FSTL5: variants seen among roughly 807,000 people sequenced by gnomAD.
The protein encoded by FSTL5 is follistatin-related protein 5.
A neutral mutation model predicts 89.1 loss-of-function variants in FSTL5; 62 were observed. The ratio of observed to expected loss-of-function variants is 0.70; its 90% CI spans 0.57 to 0.86. FSTL5 has a LOEUF of 0.86. Among genes scored for constraint, FSTL5 ranks in the 40% least tolerant of loss-of-function variants. The pLI is 0.00. For synonymous variants in FSTL5, 383 were observed against 346.2 expected (o/e 1.11, Z -1.18); for missense variants, 1,057 against 1,001.6 (o/e 1.06, Z -0.75).
At chr4:161,794,834 C>G (rs1222850244) in intron 4 of FSTL5, among the ~76,000 whole-genome samples, 2 of 151,874 alleles carry the variant, frequency 1.3e-5, no homozygotes, top group Non-Finnish European at 2.9e-5. Context: ...AATTAAATAC[C>G]AAGATAAAAA....
At chr4:161,657,802 A>G (rs764893421) in intron 6 of FSTL5, among the ~76,000 whole-genome samples, 2 of 152,144 alleles carry the variant, frequency 1.3e-5, no homozygotes, top group Non-Finnish European at 2.9e-5. Flanking sequence ...ACACACGTTA[A>G]ATGTTGAGTG....
intron 8 of FSTL5, among the ~76,000 whole-genome samples, chr4:161,570,608 C>T (rs577538123): frequency 2.2e-3 from 337 of 152,050 alleles, no homozygotes; most frequent in Non-Finnish European, 3.8e-3. Context: ...GTTGGGGACA[C>T]ATAAAAATAA....
At chr4:162,152,883 G>A (rs565445545) in intron 1 of FSTL5, among the ~76,000 whole-genome samples, 5 of 149,192 alleles carry the variant, frequency 3.4e-5, no homozygotes, top group Non-Finnish European at 3.0e-5. Context: ...AAAAAAAACC[G>A]ACAACATATT....
chr4:161,722,006 A>G (rs1383405535), intron 6 of FSTL5, among the ~76,000 whole-genome samples: 2 of 152,156 alleles, frequency 1.3e-5, no homozygotes. Context: ...GAGAGTGATA[A>G]CATCTTCTTA....
At chr4:161,835,108 T>C (rs1447636969) in intron 4 of FSTL5, among the ~76,000 whole-genome samples, 1 of 147,536 alleles carries the variant, frequency 6.8e-6, no homozygotes, top group Non-Finnish European at 1.5e-5. Context: ...AACAGAGATA[T>C]AGATCAATGG....
chr4:162,070,681 C>T (rs180687692), intron 2 of FSTL5, among the ~76,000 whole-genome samples: 2 of 151,702 alleles, frequency 1.3e-5, no homozygotes, highest in Admixed American at 1.3e-4. Flanking sequence ...ATAAGGGAAT[C>T]GCTGAAAGAT....
intron 13 of FSTL5, among the ~76,000 whole-genome samples, chr4:161,475,312 T>A (rs1204896486): frequency 6.6e-6 from 1 of 152,222 alleles, no homozygotes; most frequent in East Asian, 1.9e-4. Flanking sequence ...GGAAAGTTTT[T>A]AGCCATTATT....
intron 15 of FSTL5, among the ~76,000 whole-genome samples, chr4:161,394,530 C>T (rs1445212022): frequency 2.0e-5 from 3 of 152,132 alleles, no homozygotes. Context: ...GTGCCTCAGC[C>T]TCCCAAAGTG....
intron 3 of FSTL5, among the ~76,000 whole-genome samples, chr4:162,014,444 G>T (rs1007798563): frequency 1.3e-5 from 2 of 152,120 alleles, no homozygotes; most frequent in Admixed American, 1.3e-4. Context: ...AATGGTGAAA[G>T]AACTTAGCTT....
At chr4:161,932,671 T>A (rs1234997870) in intron 3 of FSTL5, among the ~76,000 whole-genome samples, 1 of 151,998 alleles carries the variant, frequency 6.6e-6, no homozygotes, top group Non-Finnish European at 1.5e-5. Context: ...ACTATATCAC[T>A]TGGCTTATTA....
intron 4 of FSTL5, among the ~76,000 whole-genome samples, chr4:161,833,518 G>A (rs1382585460): frequency 3.1e-5 from 4 of 130,914 alleles, no homozygotes; most frequent in Non-Finnish European, 6.7e-5. Flanking sequence ...GGGAGTCTAA[G>A]TCTCTTTGTA....
intron 2 of FSTL5, among the ~76,000 whole-genome samples, chr4:162,095,111 A>C (rs1431666288): frequency 6.6e-6 from 1 of 152,132 alleles, no homozygotes; most frequent in East Asian, 1.9e-4. Flanking sequence ...TTTAAAATAT[A>C]GATTAATAAG....
chr4:162,064,820 C>T (rs1738835357), intron 2 of FSTL5, among the ~76,000 whole-genome samples: 1 of 152,048 alleles, frequency 6.6e-6, no homozygotes, highest in Middle Eastern at 3.4e-3. Flanking sequence ...CAATTTCCTT[C>T]ACCTCCCACC....
chr4:161,936,156 G>GTATT (rs1419669110), intron 3 of FSTL5, among the ~76,000 whole-genome samples: 1 of 152,146 alleles, frequency 6.6e-6, no homozygotes, highest in East Asian at 1.9e-4. Context: ...CCAATACAGA[G>GTATT]CTTCCTTCAA....
chr4:161,525,716 A>G (rs1399728955), intron 10 of FSTL5, among the ~76,000 whole-genome samples: 6 of 152,194 alleles, frequency 3.9e-5, no homozygotes, highest in Admixed American at 3.9e-4. Context: ...CTAACAGATA[A>G]TGTCAACATG....
chr4:161,785,709 A>T (rs1741880455), intron 4 of FSTL5, among the ~76,000 whole-genome samples: 5 of 152,198 alleles, frequency 3.3e-5, no homozygotes, highest in Admixed American at 3.3e-4. Context: ...ACTCTTCCTT[A>T]AGCATGTTTA....
chr4:162,040,354 C>T (rs1212928282), intron 2 of FSTL5, among the ~76,000 whole-genome samples: 1 of 152,000 alleles, frequency 6.6e-6, no homozygotes, highest in Non-Finnish European at 1.5e-5. Context: ...GATCCAGTCT[C>T]CAATAATCCC....
intron 15 of FSTL5, among the ~76,000 whole-genome samples, chr4:161,443,067 T>C (rs551411448): frequency 6.6e-6 from 1 of 152,094 alleles, no homozygotes; most frequent in South Asian, 2.1e-4. Flanking sequence ...TCAAGTGCTG[T>C]GAAAATAGCT....
At chr4:162,062,329 CAGAA>C (rs1738748601) in intron 2 of FSTL5, among the ~76,000 whole-genome samples, 1 of 151,834 alleles carries the variant, frequency 6.6e-6, no homozygotes, top group Non-Finnish European at 1.5e-5. Flanking sequence ...TCTGTATATA[CAGAA>C]AGAGAAATTC....
Sources: allele counts gnomAD v4.1 joint callset (sites outside exome capture counted in the v4.1 genomes callset), GRCh38; gene constraint gnomAD v4.1.1; transcripts MANE v1.5; gene names NCBI Gene and HGNC (gene_info 2026-07-23, HGNC 2026-07-21).